Variants in COL17A1 observed in about 807,000 individuals in gnomAD.
The protein encoded by COL17A1 is collagen alpha-1(XVII) chain.
Under a neutral mutation model 218.4 loss-of-function variants are expected in COL17A1, and 181 were observed. The ratio of observed to expected loss-of-function variants is 0.83; its 90% CI spans 0.73 to 0.94. The LOEUF is 0.94. COL17A1 is among the 40% of genes least tolerant of loss of function. The pLI is 0.00. For synonymous variants in COL17A1, 721 were observed against 731.0 expected (o/e 0.99, Z 0.22); for missense variants, 1,924 against 1,945.9 (o/e 0.99, Z 0.21).
At position 104,073,809 on chromosome 10, in the gene COL17A1, G is replaced by A. The variant is rs2086687321; in HGVS notation, c.379+375C>T. ...AAGCAAGCAATAGTGGAGGTGCCGG[G>A]ATGCCTGGCATTTGTGTGTTCTACT... On this transcript the variant is annotated intron_variant, in intron 6 of 55. Coordinates refer to ENST00000648076, the MANE Select transcript of COL17A1 (RefSeq NM_000494.4). The A allele has an allele frequency of 2.0e-5, 6 of 300,290 alleles. No homozygotes were observed. The South Asian group carries it at 2.1e-4, about 10-fold the overall frequency. The allele number at this position is 300,290 out of a possible 1,614,324, so 18.6% of individuals were successfully genotyped here.
chr10:104,049,786 G>A (rs1026216686), intron 28 of COL17A1, among the ~76,000 whole-genome samples: 1 of 152,252 alleles, frequency 6.6e-6, no homozygotes, highest in Non-Finnish European at 1.5e-5. Flanking sequence ...ATACCGGGGT[G>A]CAAACTTTCT....
intron 9 of COL17A1, among the ~76,000 whole-genome samples, chr10:104,064,977 G>A (rs1468944245): frequency 6.6e-6 from 1 of 152,178 alleles, no homozygotes; most frequent in East Asian, 1.9e-4. Flanking sequence ...TCTTTCAGGA[G>A]CAACAAATGA....
chr10:104,034,467 A>G (rs768537363), intron 51 of COL17A1, 133 bp from the exon 52 acceptor site: 2 of 1,476,178 alleles, frequency 1.4e-6, no homozygotes, highest in Non-Finnish European at 1.8e-6. Context: ...CTTGTACCCG[A>G]GTGGGAGAAT....
intron 23 of COL17A1, among the ~76,000 whole-genome samples, chr10:104,052,583 C>T (rs913318154): frequency 2.0e-5 from 3 of 152,172 alleles, no homozygotes; most frequent in Admixed American, 2.0e-4. Context: ...GATGGAATTG[C>T]AACACCTTCC....
intron 9 of COL17A1, among the ~76,000 whole-genome samples, chr10:104,068,682 G>A (rs1473810556): frequency 6.6e-6 from 1 of 152,176 alleles, no homozygotes; most frequent in Non-Finnish European, 1.5e-5. Flanking sequence ...GATCAAACAA[G>A]TTTTAAAAAG....
At chr10:104,037,224 T>C (rs2086309102) in intron 46 of COL17A1, 111 bp from the exon 47 acceptor site, 1 of 905,058 alleles carries the variant, frequency 1.1e-6, no homozygotes, top group African/African-American at 1.6e-5. Context: ...TTGGGGGAAG[T>C]GGATGAATGG....
intron 14 of COL17A1, 143 bp from the exon 15 acceptor site, chr10:104,059,861 C>T: frequency 9.6e-7 from 1 of 1,042,740 alleles, no homozygotes; most frequent in Non-Finnish European, 1.4e-6. Context: ...TCCTGGGGTT[C>T]ATCTCCCCTG....
Position 104,039,537 on chromosome 10 carries a change from A to G in COL17A1, c.2822-18T>C. On this transcript the variant is annotated intron_variant, in intron 42 of 55. Transcript: ENST00000648076. ...ACTGGACCCTGGAAGCCAACAACACACACAGTGCAGTCAGCCAGGGTTTGG... is the reference window on the plus strand; with the variant it reads ...ACTGGACCCTGGAAGCCAACAACACGCACAGTGCAGTCAGCCAGGGTTTGG... The G allele has an allele frequency of 6.2e-7, 1 of 1,614,068 alleles. No individual in the cohort carries two copies. The highest frequency in any genetic ancestry group is 8.5e-7 in the Non-Finnish European group (1 of 1,179,986).
In COL17A1 at chr10:104,039,654, C is replaced by A. The variant is rs192489253; in HGVS notation, c.2789-14G>T. 3.9e-5 allele frequency: 63 copies of A among 1,614,102 alleles called. No individual in the cohort carries two copies. In the African/African-American group the frequency reaches 6.4e-4, roughly 16 times the overall value. On this transcript the variant is annotated splice_polypyrimidine_tract_variant and intron_variant, in intron 41 of 55. Coordinates refer to ENST00000648076, the MANE Select transcript of COL17A1 (RefSeq NM_000494.4). ...GGCCTTGCTCGCCTGAGGAACACACCAAGGGAGGGACAGTCAGCCTCACTT... is the reference window on the plus strand; with the variant it reads ...GGCCTTGCTCGCCTGAGGAACACACAAAGGGAGGGACAGTCAGCCTCACTT...
intron 9 of COL17A1, among the ~76,000 whole-genome samples, chr10:104,066,662 A>G (rs1262836522): frequency 1.3e-5 from 2 of 152,210 alleles, no homozygotes; most frequent in Non-Finnish European, 2.9e-5. Context: ...ACATCTCACA[A>G]AGTAGAGGAC....
At chr10:104,032,415 A>C in intron 55 of COL17A1, 125 bp from the exon 56 acceptor site, 1 of 885,574 alleles carries the variant, frequency 1.1e-6, no homozygotes, top group South Asian at 1.4e-5. Flanking sequence ...CTTTTGTAAG[A>C]CTACATTTAT....
At chr10:104,063,724 C>A in intron 11 of COL17A1, 23 bp downstream of exon 11, 1 of 1,614,010 alleles carries the variant, frequency 6.2e-7, no homozygotes, top group South Asian at 1.1e-5. Context: ...CTGGAAAAGT[C>A]ATCTCAAGAT....
chr10:104,037,906 G>A (rs2086317120), intron 45 of COL17A1, 133 bp from the exon 46 acceptor site: 4 of 1,129,028 alleles, frequency 3.5e-6, no homozygotes, highest in Non-Finnish European at 3.8e-6. Context: ...CCAGGAGGGA[G>A]CCTAGACTTC....
chr10:104,077,543 C>G lies in COL17A1; in HGVS notation c.98-17G>C. On this transcript the variant is annotated splice_polypyrimidine_tract_variant and intron_variant, in intron 3 of 55. Transcript: ENST00000648076. ...TCCCGCCTTCTGCCAGGAACAAAAG[C>G]AGGTGATAATTTCAGGGTGGAGTCA... 1.3e-6 allele frequency: 2 copies of G among 1,599,766 alleles called. No homozygotes were observed. Among genetic ancestry groups the G allele is most frequent in the Non-Finnish European group, 1.7e-6 (2 of 1,171,958 alleles).
chr10:104,073,956 C>G, intron 6 of COL17A1: 1 of 570,020 alleles, frequency 1.8e-6, no homozygotes, highest in South Asian at 1.9e-5. Context: ...CTTACCATTT[C>G]TATAGTGCCA....
At position 104,064,292 on chromosome 10, in the gene COL17A1, C is replaced by T. The variant is rs965650654; in HGVS notation, c.766+146G>A. ...TCTAGATTGAATTGAACTGAAGTTCCAGGGGGAATCTCCTGGGATGTTTGG... is the reference window on the plus strand; with the variant it reads ...TCTAGATTGAATTGAACTGAAGTTCTAGGGGGAATCTCCTGGGATGTTTGG... On this transcript the variant is annotated intron_variant, in intron 10 of 55. Coordinates refer to ENST00000648076, the MANE Select transcript of COL17A1 (RefSeq NM_000494.4). 7 of 1,354,626 alleles carry T rather than the reference C, an allele frequency of 5.2e-6. No homozygotes were observed. In the African/African-American group the frequency reaches 1.0e-4, roughly 20 times the overall value. 83.9% of individuals were successfully genotyped at this position (1,354,626 alleles called of 1,614,324 possible). A position where few individuals can be genotyped will look rare whatever the true frequency, so the allele number is the denominator to read the frequency against.
intron 36 of COL17A1, 35 bp downstream of exon 36, chr10:104,042,385 C>A: frequency 1.2e-6 from 2 of 1,612,896 alleles, no homozygotes; most frequent in Non-Finnish European, 1.7e-6. Context: ...CCCGACTGGG[C>A]CCATCGCTTT....
intron 23 of COL17A1, among the ~76,000 whole-genome samples, chr10:104,052,504 C>G (rs1470530804): frequency 6.6e-6 from 1 of 152,184 alleles, no homozygotes; most frequent in African/African-American, 2.4e-5. Flanking sequence ...TGCTCACAGT[C>G]TGTTAGCATT....
At chr10:104,037,565 A>T (rs528591188) in intron 46 of COL17A1, 71 bp downstream of exon 46, 23 of 1,581,314 alleles carry the variant, frequency 1.5e-5, no homozygotes, top group Admixed American at 5.0e-5. Flanking sequence ...AAACGAGGAG[A>T]TGAGGCTCTG....
Sources: allele counts gnomAD v4.1 joint callset (sites outside exome capture counted in the v4.1 genomes callset), GRCh38; gene constraint gnomAD v4.1.1; transcripts MANE v1.5; gene names NCBI Gene and HGNC (gene_info 2026-07-23, HGNC 2026-07-21).